The following PCDHA3 variants were observed in gnomAD, a reference collection of about 807,000 sequenced individuals.
PCDHA3 encodes the protein protocadherin alpha-3.
In PCDHA3, 41 loss-of-function variants were observed where a neutral mutation model predicts 62.2. That is an observed-to-expected ratio of 0.66 (90% CI 0.51 to 0.86). The LOEUF (loss-of-function observed/expected upper bound fraction) is 0.86. Among genes scored for constraint, PCDHA3 ranks in the 40% least tolerant of loss-of-function variants. PCDHA3 has a pLI of 0.00. For missense variants in PCDHA3, 1,304 were observed against 1,241.2 expected, an observed-to-expected ratio of 1.05 and a Z score of -0.76; for synonymous variants, 640 against 555.4, an observed-to-expected ratio of 1.15 and a Z score of -2.14.
chr5:140,856,293 T>C, intron 1 of PCDHA3: 7 of 1,598,502 alleles, frequency 4.4e-6, no homozygotes, highest in Non-Finnish European at 6.0e-6. Context: ...CAGAATGGCA[T>C]TTTGTTTGTG....
At chr5:140,913,734 A>C (rs1408251545) in intron 1 of PCDHA3, among the ~76,000 whole-genome samples, 1 of 152,070 alleles carries the variant, frequency 6.6e-6, no homozygotes, top group African/African-American at 2.4e-5. Context: ...TCCCTCTAAT[A>C]GTACTCCTTT....
intron 1 of PCDHA3, among the ~76,000 whole-genome samples, chr5:140,817,811 A>G (rs2150099228): frequency 6.6e-6 from 1 of 152,152 alleles, no homozygotes; most frequent in African/African-American, 2.4e-5. Flanking sequence ...TTACGTTTTT[A>G]TATATCTGGA....
chr5:140,950,711 T>C (rs1173209854), intron 1 of PCDHA3, among the ~76,000 whole-genome samples: 2 of 152,094 alleles, frequency 1.3e-5, no homozygotes, highest in African/African-American at 4.8e-5. Flanking sequence ...TTTTTGTTCC[T>C]TATATCCTTA....
chr5:140,857,377 G>A (rs1347476888), intron 1 of PCDHA3: 1 of 1,598,358 alleles, frequency 6.3e-7, no homozygotes, highest in African/African-American at 1.3e-5. Context: ...TGTCTGTGGA[G>A]GTGGCCGACG....
intron 1 of PCDHA3, chr5:140,842,293 C>A: frequency 6.2e-7 from 1 of 1,609,994 alleles, no homozygotes; most frequent in Non-Finnish European, 8.5e-7. Context: ...ACGCCACGGA[C>A]AAAGGCCATC....
intron 1 of PCDHA3, chr5:140,857,668 C>T (rs1319713687): frequency 6.3e-7 from 1 of 1,596,856 alleles, no homozygotes. Flanking sequence ...GCGATGGGGG[C>T]GTGCCGCCTC....
intron 1 of PCDHA3, chr5:140,966,543 A>C (rs200134570): frequency 6.5e-6 from 3 of 461,074 alleles, no homozygotes; most frequent in Admixed American, 4.3e-5. Context: ...AGCGACTCGG[A>C]GGCGAGCGGA....
rs1271034090 is a variant in PCDHA3 at position 140,842,237 on chromosome 5, G to T, written c.2394+38646G>T. ...AAATACGGGAGAAATAGTGATTCGG[G>T]GTAATTTGGATTTTGAACAAGAAAA... On this transcript the variant is annotated intron_variant, in intron 1 of 3. Transcript: ENST00000522353. 1.9e-6 allele frequency: 3 copies of T among 1,612,294 alleles called. No individual in the cohort carries two copies. The highest frequency in any genetic ancestry group is 3.3e-5 in the Admixed American group (2 of 59,972).
intron 1 of PCDHA3, chr5:140,967,813 C>T (rs12153295): frequency 0.14 from 229,585 of 1,614,060 alleles, 17,281 homozygotes; most frequent in Middle Eastern, 0.18. Context: ...CAGGTCACTG[C>T]AAGGTGCTGG....
At chr5:140,806,557 T>C (rs1467853347) in intron 1 of PCDHA3, among the ~76,000 whole-genome samples, 1 of 152,194 alleles carries the variant, frequency 6.6e-6, no homozygotes, top group Non-Finnish European at 1.5e-5. Context: ...TCTGCAAATT[T>C]CCCTGTCAAT....
At position 140,853,168 on chromosome 5, in the gene PCDHA3, C is replaced by T. The variant is rs2150529261; in HGVS notation, c.2394+49577C>T. 37 of 960,760 alleles carry T rather than the reference C, an allele frequency of 3.9e-5. 1 individual carries two copies. Among genetic ancestry groups the T allele is most frequent in the Admixed American group, 1.3e-4 (2 of 15,838 alleles). 59.5% of individuals were successfully genotyped at this position (960,760 alleles called of 1,614,324 possible). On this transcript the variant is annotated intron_variant, in intron 1 of 3. Transcript: ENST00000522353. ...TGCTGGGATTACAGGCGTGAGCCAC[C>T]GCGCCTGGCCTAAAATGTGTTCTTT... is the stretch of plus-strand genomic sequence containing the variant.
At chr5:140,839,916 A>G (rs2150301736) in intron 1 of PCDHA3, among the ~76,000 whole-genome samples, 33 of 151,970 alleles carry the variant, frequency 2.2e-4, no homozygotes, top group African/African-American at 7.5e-4. Context: ...TAGAAGAAAA[A>G]CCTTGAACAA....
Position 140,857,796 on chromosome 5 carries a change from C to T in PCDHA3, c.2394+54205C>T, listed in dbSNP as rs1554150678. 15 of 1,597,494 alleles carry T rather than the reference C, an allele frequency of 9.4e-6. 2 individuals are homozygous for T. The highest frequency in any genetic ancestry group is 1.7e-5 in the Admixed American group (1 of 59,248). ...GCAGTCAGTGAGCTGGTGCTGCGGT[C>T]GGTGGTTGCGGGTCACGTGGTGGCT... is the stretch of plus-strand genomic sequence containing the variant. On this transcript the variant is annotated intron_variant, in intron 1 of 3. Transcript: ENST00000522353.
intron 1 of PCDHA3, chr5:140,871,241 C>CGCT (rs1268066555): frequency 1.2e-6 from 2 of 1,613,972 alleles, no homozygotes; most frequent in African/African-American, 2.7e-5. Context: ...CTGGTACTCA[C>CGCT]GCTGCTGCTG....
chr5:140,886,972 A>G (rs2061245917), intron 1 of PCDHA3, among the ~76,000 whole-genome samples: 1 of 152,122 alleles, frequency 6.6e-6, no homozygotes, highest in South Asian at 2.1e-4. Context: ...GAAATTTATT[A>G]TTTTGTAAAT....
Position 140,802,761 on chromosome 5 carries a change from C to A in PCDHA3, c.1564C>A (p.Pro522Thr). Residue 522 changes from proline to threonine, a missense_variant, in exon 1 of 4, where the codon CCG becomes ACG. Transcript: ENST00000522353. ...GAGCGGCAAGGTGTACGCGCTGCAGCCGCTGGACCACGAGGAGCTAGAGCT... is the reference window on the plus strand; with the variant it reads ...GAGCGGCAAGGTGTACGCGCTGCAGACGCTGGACCACGAGGAGCTAGAGCT... ...AESGKVYALQPLDHEELELLQ... is the reference protein window; with the variant it reads ...AESGKVYALQTLDHEELELLQ... 3 of 1,612,814 alleles carry A rather than the reference C, an allele frequency of 1.9e-6. No individual in the cohort carries two copies. The highest frequency in any genetic ancestry group is 1.7e-6 in the Non-Finnish European group (2 of 1,179,838).
intron 1 of PCDHA3, chr5:140,852,643 C>A: frequency 2.1e-6 from 2 of 958,796 alleles, no homozygotes; most frequent in Non-Finnish European, 2.5e-6. Context: ...TGTCATTAAA[C>A]CTATCTATAT....
chr5:140,862,475 C>T (rs1252932396), intron 1 of PCDHA3: 2 of 377,970 alleles, frequency 5.3e-6, no homozygotes, highest in African/African-American at 4.2e-5. Flanking sequence ...GCAAATCTAT[C>T]CATTGTTGGT....
At chr5:140,996,884 A>T (rs1411027110) in intron 3 of PCDHA3, among the ~76,000 whole-genome samples, 1 of 152,186 alleles carries the variant, frequency 6.6e-6, no homozygotes, top group African/African-American at 2.4e-5. Flanking sequence ...TGTATTTTTA[A>T]ATAAAATAGA....
Sources: gnomAD v4.1 joint callset for allele counts (sites outside exome capture counted in the v4.1 genomes callset) on GRCh38, gnomAD v4.1.1 for gene constraint, MANE v1.5 for transcripts, NCBI Gene and HGNC (gene_info 2026-07-23, HGNC 2026-07-21) for gene names.